PDZD8: variants seen among roughly 807,000 people sequenced by gnomAD.
PDZD8 encodes PDZ domain containing 8, also known as PDZ domain-containing protein 8.
In PDZD8, 14 loss-of-function variants were observed where a neutral mutation model predicts 85.8. The observed-to-expected ratio is 0.16, with a 90% CI of 0.11 to 0.26. PDZD8 has a LOEUF of 0.26. Among genes scored for constraint, PDZD8 ranks in the 10% least tolerant of loss-of-function variants. The pLI is 1.00. For missense variants in PDZD8, 1,197 were observed against 1,424.3 expected (o/e 0.84, Z 2.57); for synonymous variants, 592 against 568.6 (o/e 1.04, Z -0.59).
chr10:117,302,732 G>C (rs1486914331), intron 3 of PDZD8, among the ~76,000 whole-genome samples: 1 of 152,172 alleles, frequency 6.6e-6, no homozygotes, highest in Non-Finnish European at 1.5e-5. Context: ...GGGCGTAATT[G>C]AATCAAGAGG....
At chr10:117,294,529 G>T (rs916797251) in intron 3 of PDZD8, among the ~76,000 whole-genome samples, 3 of 152,082 alleles carry the variant, frequency 2.0e-5, no homozygotes, top group Non-Finnish European at 4.4e-5. Flanking sequence ...AATGAAATTG[G>T]TATGATGAAG....
intron 2 of PDZD8, among the ~76,000 whole-genome samples, chr10:117,320,164 A>C (rs1844204745): frequency 6.6e-6 from 1 of 152,126 alleles, no homozygotes; most frequent in Admixed American, 6.5e-5. Flanking sequence ...ACCTATTATC[A>C]AAAAGAAGGC....
chr10:117,312,026 A>G (rs1362115432), intron 3 of PDZD8, among the ~76,000 whole-genome samples: 1 of 152,072 alleles, frequency 6.6e-6, no homozygotes, highest in Non-Finnish European at 1.5e-5. Flanking sequence ...CCTATTTCCC[A>G]TCAGTGCTTT....
intron 2 of PDZD8, among the ~76,000 whole-genome samples, chr10:117,331,011 T>C (rs1242021765): frequency 6.6e-6 from 1 of 152,232 alleles, no homozygotes; most frequent in Admixed American, 6.5e-5. Context: ...TTGCACTAAG[T>C]TTCTATACTA....
chr10:117,368,635 A>G (rs1845130322), intron 1 of PDZD8, among the ~76,000 whole-genome samples: 1 of 152,180 alleles, frequency 6.6e-6, no homozygotes, highest in Non-Finnish European at 1.5e-5. Context: ...TATACTGTCA[A>G]TAAGTTGATG....
intron 1 of PDZD8, among the ~76,000 whole-genome samples, chr10:117,346,733 C>A (rs1247286924): frequency 6.6e-6 from 1 of 152,022 alleles, no homozygotes; most frequent in Non-Finnish European, 1.5e-5. Flanking sequence ...CTCCTGCCCT[C>A]TTTTCCTTGT....
In PDZD8 at chr10:117,279,569, G is replaced by C. The variant is rs182054780; in HGVS notation, c.*3699C>G. 6.6e-6 allele frequency: 1 copy of C among 152,288 alleles called. No individual in the cohort carries two copies. Among genetic ancestry groups the C allele is most frequent in the African/African-American group, 2.4e-5 (1 of 41,558 alleles). The allele number at this position is 152,288 out of a possible 1,614,324, so 9.4% of individuals were successfully genotyped here. A position where few individuals can be genotyped will look rare whatever the true frequency, so the allele number is the denominator to read the frequency against. Reference sequence around the variant, plus strand: ...ATCAGGTAAAAGCCACCCCAGGTTAGCTTGACCATACTTTTTTGGCTTTCC... The same window carrying C: ...ATCAGGTAAAAGCCACCCCAGGTTACCTTGACCATACTTTTTTGGCTTTCC... On this transcript the variant is annotated 3_prime_UTR_variant, in exon 5 of 5. Coordinates refer to ENST00000334464, the MANE Select transcript of PDZD8 (RefSeq NM_173791.5).
intron 2 of PDZD8, among the ~76,000 whole-genome samples, chr10:117,333,199 C>T (rs1292633624): frequency 7.1e-6 from 1 of 141,408 alleles, no homozygotes; most frequent in African/African-American, 2.6e-5. Flanking sequence ...TGGAGTTAGA[C>T]AAAACTAGAT....
At chr10:117,320,560 C>T (rs908172533) in intron 2 of PDZD8, among the ~76,000 whole-genome samples, 1 of 151,494 alleles carries the variant, frequency 6.6e-6, no homozygotes, top group Non-Finnish European at 1.5e-5. Context: ...ATTAACAGAC[C>T]TGAATATAAA....
Position 117,374,301 on chromosome 10 carries a change from C to T in PDZD8, c.872+55G>A. The T allele has an allele frequency of 6.3e-7, 1 of 1,590,066 alleles. No individual in the cohort carries two copies. The highest frequency in any genetic ancestry group is 8.6e-7 in the Non-Finnish European group (1 of 1,167,294). On this transcript the variant is annotated intron_variant, in intron 1 of 4. Coordinates refer to ENST00000334464, the MANE Select transcript of PDZD8 (RefSeq NM_173791.5). This position sits in a 1 kb window ranked among gnomAD's most constrained non-coding sequence, Gnocchi z 7.8. ...TTGCCCTTCCCAATCCACGCAGCGT[C>T]CCGCCCAGGCCCGGGTTCCCGGCAG...
chr10:117,288,094 G>A (rs1192179648), intron 4 of PDZD8, among the ~76,000 whole-genome samples: 1 of 152,130 alleles, frequency 6.6e-6, no homozygotes, highest in Non-Finnish European at 1.5e-5. Context: ...CACCATTCAA[G>A]TCTGGATTTT....
chr10:117,369,434 C>T (rs1163786049), intron 1 of PDZD8, among the ~76,000 whole-genome samples: 1 of 152,128 alleles, frequency 6.6e-6, no homozygotes, highest in Non-Finnish European at 1.5e-5. Flanking sequence ...GCTGGGATTA[C>T]AGGAGTGAGC....
At chr10:117,315,612 A>AC (rs1844115826) in intron 3 of PDZD8, among the ~76,000 whole-genome samples, 2 of 149,936 alleles carry the variant, frequency 1.3e-5, no homozygotes, top group Non-Finnish European at 2.9e-5. Context: ...AAAAAAAAAA[A>AC]CAATAATCTA....
chr10:117,332,905 G>A (rs1231945936), intron 2 of PDZD8, among the ~76,000 whole-genome samples: 1 of 151,126 alleles, frequency 6.6e-6, no homozygotes, highest in Non-Finnish European at 1.5e-5. Context: ...ATCACTTGAG[G>A]TCAGGAGTTT....
chr10:117,315,337 A>G (rs11597104), intron 3 of PDZD8, among the ~76,000 whole-genome samples: 2 of 152,088 alleles, frequency 1.3e-5, no homozygotes, highest in African/African-American at 2.4e-5. Flanking sequence ...GCTCATGCCC[A>G]CAATTCAAGC....
intron 1 of PDZD8, among the ~76,000 whole-genome samples, chr10:117,352,912 G>A (rs1315268026): frequency 2.0e-5 from 3 of 152,184 alleles, no homozygotes; most frequent in East Asian, 3.9e-4. Context: ...GCTAACAGGG[G>A]CTTGCTGCTG....
chr10:117,300,585 T>C (rs1169129467), intron 3 of PDZD8, among the ~76,000 whole-genome samples: 1 of 152,180 alleles, frequency 6.6e-6, no homozygotes. Flanking sequence ...CTCTACATGC[T>C]ACAGATCTTC....
chr10:117,287,141 GATCCA>G (rs1238912625), intron 4 of PDZD8, among the ~76,000 whole-genome samples: 3 of 151,882 alleles, frequency 2.0e-5, no homozygotes, highest in Non-Finnish European at 4.4e-5. Context: ...ACTTACTTTG[GATCCA>G]ATCCTCCTGT....
chr10:117,349,353 G>A (rs1472753261), intron 1 of PDZD8, among the ~76,000 whole-genome samples: 2 of 152,202 alleles, frequency 1.3e-5, no homozygotes, highest in African/African-American at 4.8e-5. Context: ...ATATTGCTTT[G>A]AATGGCACCA....
Sources: allele counts gnomAD v4.1 joint callset (sites outside exome capture counted in the v4.1 genomes callset), GRCh38; gene constraint gnomAD v4.1.1; non-coding constraint Gnocchi (gnomAD v3.1); transcripts MANE v1.5; gene names NCBI Gene and HGNC (gene_info 2026-07-23, HGNC 2026-07-21).